RASEF: variants seen among roughly 807,000 people sequenced by gnomAD.
RASEF encodes the protein RAS and EF-hand domain containing, also known as ras and EF-hand domain-containing protein.
RASEF carries 68 observed loss-of-function variants against 90.1 expected under a neutral mutation model. The ratio of observed to expected loss-of-function variants is 0.75; its 90% CI spans 0.62 to 0.92. The LOEUF (loss-of-function observed/expected upper bound fraction) is 0.92. Among genes scored for constraint, RASEF ranks in the 40% least tolerant of loss-of-function variants. RASEF has a pLI of 0.00. For synonymous variants in RASEF, 331 were observed against 345.2 expected (o/e 0.96, Z 0.46); for missense variants, 949 against 937.2 (o/e 1.01, Z -0.16).
At chr9:83,194,434 C>G in the RASEF span, among the ~76,000 whole-genome samples, 3 of 152,188 alleles carry the variant, frequency 2.0e-5, no homozygotes, top group African/African-American at 7.2e-5. Flanking sequence ...GCACCCTTCC[C>G]TACATGAGGG....
At chr9:83,133,659 A>G in the RASEF span, among the ~76,000 whole-genome samples, 3 of 152,322 alleles carry the variant, frequency 2.0e-5, no homozygotes, top group South Asian at 6.2e-4. Context: ...GCAAAATTTA[A>G]AAGGACACCA....
At chr9:83,213,107 AG>A in the RASEF span, among the ~76,000 whole-genome samples, 4 of 150,884 alleles carry the variant, frequency 2.7e-5, no homozygotes, top group Non-Finnish European at 4.4e-5. Context: ...AAAAAAAAAA[AG>A]AAAGAAAACA....
chr9:83,136,265 C>A, the RASEF span, among the ~76,000 whole-genome samples: 3 of 152,024 alleles, frequency 2.0e-5, no homozygotes, highest in African/African-American at 7.2e-5. Context: ...AGTCTTCACA[C>A]ATCTTTAGAA....
At chr9:83,155,019 C>G in the RASEF span, among the ~76,000 whole-genome samples, 14 of 152,276 alleles carry the variant, frequency 9.2e-5, no homozygotes, top group East Asian at 2.7e-3. Context: ...TTCTTCCCAC[C>G]ACCTCTTGTG....
Position 83,062,983 on chromosome 9 carries a change from G to A in RASEF, c.-116C>T. 3.5e-6 allele frequency: 4 copies of A among 1,158,600 alleles called. No individual in the cohort carries two copies. The highest frequency in any genetic ancestry group is 4.5e-6 in the Non-Finnish European group (4 of 882,028). 71.8% of individuals were successfully genotyped at this position (1,158,600 alleles called of 1,614,324 possible). Reference sequence around the variant, plus strand: ...AGGCCCGGCGAGTTTGGCTCGTCCGGCTGGTTCGGCCACTTGAGGGAACGT... The same window carrying A: ...AGGCCCGGCGAGTTTGGCTCGTCCGACTGGTTCGGCCACTTGAGGGAACGT... On this transcript the variant is annotated 5_prime_UTR_variant, in exon 1 of 17. Transcript: ENST00000376447.
chr9:83,102,896 C>T, the RASEF span, among the ~76,000 whole-genome samples: 5 of 152,138 alleles, frequency 3.3e-5, no homozygotes, highest in East Asian at 1.9e-4. Flanking sequence ...CATTTGCAGC[C>T]GAGTCCTTTG....
the RASEF span, among the ~76,000 whole-genome samples, chr9:83,138,803 C>T: frequency 2.0e-5 from 3 of 151,964 alleles, no homozygotes; most frequent in Non-Finnish European, 2.9e-5. Context: ...CACTTCAAAC[C>T]CTTAGAAGCT....
intron 1 of RASEF, chr9:83,055,339 C>T (rs542885409): frequency 5.8e-5 from 24 of 413,298 alleles, no homozygotes; most frequent in Middle Eastern, 7.1e-4. Flanking sequence ...TTCTTTGACT[C>T]GGAAAGGGAA....
chr9:82,982,795 TAGAGAGAGACAGAGAGAGAGAG>T lies in RASEF; in HGVS notation c.2118-35_2118-14del. The T allele has an allele frequency of 7.5e-7, 1 of 1,335,704 alleles. No individual in the cohort carries two copies. The highest frequency in any genetic ancestry group is 1.1e-6 in the Non-Finnish European group (1 of 945,960). 82.7% of individuals were successfully genotyped at this position (1,335,704 alleles called of 1,614,324 possible). A position where few individuals can be genotyped will look rare whatever the true frequency, so the allele number is the denominator to read the frequency against. ...CTTTTTCACTTCTCTGAGACAGAGA[TAGAGAGAGACAGAGAGAGAGAG>T]AGAGAGAGAGAGAGAGGATTACTGA... On this transcript the variant is annotated splice_polypyrimidine_tract_variant and intron_variant, in intron 16 of 16. Transcript: ENST00000376447.
intron 1 of RASEF, among the ~76,000 whole-genome samples, chr9:83,028,250 T>C (rs1402753831): frequency 6.6e-6 from 1 of 152,214 alleles, no homozygotes; most frequent in Non-Finnish European, 1.5e-5. Context: ...AATTCTTATG[T>C]TTGGTGATCT....
chr9:83,035,744 C>CA lies in RASEF; in HGVS notation c.432-9824dup, dbSNP rs11299604. ...ATGGAAAAAAATATTTCTACTTTGG[C>CA]AAAAAAAAAGGAGCTGAGAAGCAAA... is the stretch of plus-strand genomic sequence containing the variant. On this transcript the variant is annotated intron_variant, in intron 1 of 16. Coordinates refer to ENST00000376447, the MANE Select transcript of RASEF (RefSeq NM_152573.4). 1.0e-3 allele frequency among the ~76,000 whole-genome samples: 149 copies of CA among 148,316 alleles called. 1 individual carries two copies. The highest frequency in any genetic ancestry group is 3.0e-3 in the East Asian group (15 of 5,076).
the RASEF span, among the ~76,000 whole-genome samples, chr9:83,119,190 T>G: frequency 8.0e-6 from 1 of 124,856 alleles, no homozygotes; most frequent in South Asian, 2.6e-4. Flanking sequence ...TTTTTTTTTT[T>G]GTATTTTTGG....
the RASEF span, among the ~76,000 whole-genome samples, chr9:83,101,245 A>G: frequency 6.6e-6 from 1 of 152,186 alleles, no homozygotes; most frequent in East Asian, 1.9e-4. Context: ...GAAGACAGCA[A>G]CATTAAGCAC....
chr9:83,064,406 G>A (rs1404036701), upstream of RASEF, among the ~76,000 whole-genome samples: 2 of 152,098 alleles, frequency 1.3e-5, no homozygotes, highest in Admixed American at 1.3e-4. Context: ...TATCATTAGT[G>A]CAATGTAAGT....
the RASEF span, among the ~76,000 whole-genome samples, chr9:83,152,525 C>G: frequency 6.6e-6 from 1 of 152,166 alleles, no homozygotes; most frequent in African/African-American, 2.4e-5. Flanking sequence ...TCTGCTTAAG[C>G]CTAAAAATCC....
the RASEF span, among the ~76,000 whole-genome samples, chr9:83,092,653 G>T: frequency 6.6e-6 from 1 of 152,140 alleles, no homozygotes; most frequent in Admixed American, 6.5e-5. Flanking sequence ...AAAGAACAAA[G>T]CTTCCACTGT....
intron 12 of RASEF, among the ~76,000 whole-genome samples, chr9:82,998,911 C>T (rs570849708): frequency 1.3e-5 from 2 of 152,176 alleles, no homozygotes; most frequent in East Asian, 3.9e-4. Context: ...TATATCTAAA[C>T]ATGTATACAT....
the RASEF span, among the ~76,000 whole-genome samples, chr9:83,111,642 C>T: frequency 1.3e-5 from 2 of 151,510 alleles, no homozygotes; most frequent in Non-Finnish European, 2.9e-5. Context: ...TCAATTATAC[C>T]TCAATAAAGT....
intron 1 of RASEF, among the ~76,000 whole-genome samples, chr9:83,029,956 T>C (rs888159840): frequency 6.6e-6 from 1 of 152,204 alleles, no homozygotes; most frequent in Non-Finnish European, 1.5e-5. Context: ...TTGTCTGACA[T>C]AATTTCAATG....
Sources: allele counts gnomAD v4.1 joint callset (sites outside exome capture counted in the v4.1 genomes callset), GRCh38; gene constraint gnomAD v4.1.1; transcripts MANE v1.5; gene names NCBI Gene and HGNC (gene_info 2026-07-23, HGNC 2026-07-21).